DCHS2: variants seen among roughly 807,000 people sequenced by gnomAD.
The protein encoded by DCHS2 is protocadherin-23.
Under a neutral mutation model 182.4 loss-of-function variants are expected in DCHS2, and 142 were observed. That is an observed-to-expected ratio of 0.78 (90% confidence interval 0.68 to 0.89). The LOEUF is 0.89. Ranked by LOEUF, DCHS2 falls within the 40% of genes least tolerant of loss-of-function variation. DCHS2 has a pLI of 0.00. For synonymous variants in DCHS2, 1,740 were observed against 1,663.3 expected, an observed-to-expected ratio of 1.05 and a Z score of -1.12; for missense variants, 4,319 against 4,198.6, an observed-to-expected ratio of 1.03 and a Z score of -0.79.
intron 1 of DCHS2, among the ~76,000 whole-genome samples, chr4:154,460,048 G>A (rs979539778): frequency 2.0e-5 from 3 of 152,106 alleles, no homozygotes; most frequent in African/African-American, 7.2e-5. Context: ...GTTGTACACA[G>A]ATCACTGGTA....
chr4:154,343,002 G>C (rs964900705), intron 3 of DCHS2, among the ~76,000 whole-genome samples: 37 of 152,174 alleles, frequency 2.4e-4, no homozygotes, highest in African/African-American at 8.9e-4. Context: ...AATGAATCTT[G>C]TATTAGGAGG....
At chr4:154,248,608 C>T (rs1273025912) in intron 16 of DCHS2, among the ~76,000 whole-genome samples, 1 of 151,932 alleles carries the variant, frequency 6.6e-6, no homozygotes, top group Non-Finnish European at 1.5e-5. Flanking sequence ...CTATTGAATA[C>T]TTCTTTTCTG....
intron 3 of DCHS2, among the ~76,000 whole-genome samples, chr4:154,365,862 C>T (rs1387695270): frequency 2.6e-5 from 4 of 151,268 alleles, no homozygotes; most frequent in Non-Finnish European, 5.9e-5. Context: ...CTTGGCCAGG[C>T]TAGTCTTGAA....
At chr4:154,291,563 A>G (rs182697717) in intron 13 of DCHS2, among the ~76,000 whole-genome samples, 88 of 152,292 alleles carry the variant, frequency 5.8e-4, no homozygotes, top group African/African-American at 2.1e-3. Context: ...TCAACAGCTG[A>G]ACGGATAAAG....
At chr4:154,239,087 T>C (rs1344940476) in intron 19 of DCHS2, 83 bp downstream of exon 19, 4 of 1,513,572 alleles carry the variant, frequency 2.6e-6, no homozygotes, top group Admixed American at 2.2e-5. Flanking sequence ...GGAACTTTTA[T>C]AGAGGCATTT....
chr4:154,259,318 T>C (rs1425337036), intron 15 of DCHS2, among the ~76,000 whole-genome samples: 2 of 152,150 alleles, frequency 1.3e-5, no homozygotes, highest in African/African-American at 2.4e-5. Flanking sequence ...ATGTCAGTAA[T>C]TGAGCACTGA....
chr4:154,438,849 C>A (rs9884570), intron 1 of DCHS2, among the ~76,000 whole-genome samples: 69,865 of 151,924 alleles, frequency 0.46, 16,564 homozygotes, highest in Middle Eastern at 0.69. Flanking sequence ...AAGAGTAAAA[C>A]CAAACACTCT....
rs1262783977 is a variant in DCHS2 at position 154,460,799 on chromosome 4, G to A, written c.2052+28505C>T. On this transcript the variant is annotated intron_variant, in intron 1 of 19. Coordinates refer to ENST00000357232, the MANE Select transcript of DCHS2 (RefSeq NM_001358235.2). ...CAGCTACAACTTCATGCCAGTAACT[G>A]GAAAGGAATATAATAAGAAAAAGTT... Among the ~76,000 whole-genome samples, 9 of 151,990 alleles carry A rather than the reference G, an allele frequency of 5.9e-5. No individual in the cohort carries two copies. In the East Asian group the frequency reaches 1.7e-3, roughly 29 times the overall value.
At chr4:154,445,224 G>T (rs1193606304) in intron 1 of DCHS2, among the ~76,000 whole-genome samples, 1 of 152,160 alleles carries the variant, frequency 6.6e-6, no homozygotes, top group Non-Finnish European at 1.5e-5. Context: ...TTAGGGCTTA[G>T]AATCGAGTCT....
intron 1 of DCHS2, chr4:154,486,297 G>T (rs1347032132): frequency 2.1e-5 from 18 of 865,272 alleles, no homozygotes; most frequent in Non-Finnish European, 2.7e-5. Context: ...TCGGAGAGGG[G>T]AGGGTGGCCA....
At chr4:154,322,715 A>G in intron 7 of DCHS2, 1 of 477,144 alleles carries the variant, frequency 2.1e-6, no homozygotes, top group Non-Finnish European at 3.5e-6. Context: ...ATAAACTTTC[A>G]CGAGTCCATC....
intron 1 of DCHS2, among the ~76,000 whole-genome samples, chr4:154,458,151 C>A (rs1734850940): frequency 8.4e-6 from 1 of 118,716 alleles, no homozygotes; most frequent in Non-Finnish European, 2.2e-5. Flanking sequence ...GGGAAGGTAA[C>A]TGCAGAGAAT....
At chr4:154,485,993 G>C (rs765558763) in intron 1 of DCHS2, among the ~76,000 whole-genome samples, 6 of 152,224 alleles carry the variant, frequency 3.9e-5, no homozygotes, top group Non-Finnish European at 5.9e-5. Context: ...CTGGGTGTCT[G>C]CAGAGTGGAA....
At chr4:154,257,567 G>T (rs1045717976) in intron 15 of DCHS2, among the ~76,000 whole-genome samples, 2 of 152,160 alleles carry the variant, frequency 1.3e-5, no homozygotes, top group African/African-American at 4.8e-5. Flanking sequence ...GGAGTGGGAG[G>T]CAGGTCAATA....
At chr4:154,278,619 TAA>T (rs199732519) in intron 13 of DCHS2, among the ~76,000 whole-genome samples, 1 of 143,854 alleles carries the variant, frequency 7.0e-6, no homozygotes, top group African/African-American at 2.6e-5. Flanking sequence ...AATCTTAAAT[TAA>T]AAAAAAAAAG....
At chr4:154,343,354 GT>G in intron 3 of DCHS2, 1 of 1,052,398 alleles carries the variant, frequency 9.5e-7, no homozygotes. Context: ...GCCCTTTTAA[GT>G]TCTGAAGCCA....
chr4:154,304,956 T>C, intron 11 of DCHS2, 78 bp from the exon 12 acceptor site: 1 of 1,518,316 alleles, frequency 6.6e-7, no homozygotes, highest in Non-Finnish European at 8.8e-7. Flanking sequence ...CTAGACAATG[T>C]CAGGCTAACC....
At chr4:154,379,786 A>G (rs1388070) in intron 1 of DCHS2, among the ~76,000 whole-genome samples, 58,527 of 151,946 alleles carry the variant, frequency 0.39, 11,789 homozygotes, top group East Asian at 0.65. Context: ...TCCTGACAAC[A>G]TGTTCAACAA....
intron 1 of DCHS2, 67 bp downstream of exon 1, chr4:154,489,237 G>A: frequency 7.7e-7 from 1 of 1,300,908 alleles, no homozygotes; most frequent in South Asian, 1.7e-5. Context: ...AATTTCCTAG[G>A]CCAACTCACA....
Sources: gnomAD v4.1 joint callset for allele counts (sites outside exome capture counted in the v4.1 genomes callset) on GRCh38, gnomAD v4.1.1 for gene constraint, MANE v1.5 for transcripts, NCBI Gene and HGNC (gene_info 2026-07-23, HGNC 2026-07-21) for gene names.